GRM5: variants seen among roughly 807,000 people sequenced by gnomAD.
GRM5 encodes glutamate metabotropic receptor 5.
GRM5 carries 19 observed loss-of-function variants against 83.1 expected under a neutral mutation model. The ratio of observed to expected loss-of-function variants is 0.23; its 90% confidence interval spans 0.16 to 0.34. The LOEUF (loss-of-function observed/expected upper bound fraction) is 0.34, where lower values mean the gene tolerates loss of function less well. GRM5 is among the 10% of genes least tolerant of loss of function. The probability of loss-of-function intolerance (pLI) is 1.00; values close to 1 mark genes in which losing one functional copy is unlikely to be tolerated. For synonymous variants in GRM5, 675 were observed against 633.6 expected, an observed-to-expected ratio of 1.07 and a Z score of -0.98; for missense variants, 1,160 against 1,588.3, an observed-to-expected ratio of 0.73 and a Z score of 4.58.
intron 3 of GRM5, among the ~76,000 whole-genome samples, chr11:88,747,432 T>G (rs1374314865): frequency 6.6e-6 from 1 of 152,156 alleles, no homozygotes; most frequent in Non-Finnish European, 1.5e-5. Context: ...TATGTTCCTG[T>G]TAAACTACCA....
chr11:88,598,722 AG>A (rs1352591911), intron 5 of GRM5, among the ~76,000 whole-genome samples: 1 of 152,180 alleles, frequency 6.6e-6, no homozygotes, highest in Non-Finnish European at 1.5e-5. Flanking sequence ...AAGTATTCAA[AG>A]GGTGACTTTC....
intron 7 of GRM5, among the ~76,000 whole-genome samples, chr11:88,582,180 G>A (rs1173100439): frequency 1.3e-5 from 2 of 152,096 alleles, no homozygotes; most frequent in East Asian, 1.9e-4. Context: ...TAGGCTCTGC[G>A]ATACTTGGGA....
Position 88,798,572 on chromosome 11 carries a change from T to C in GRM5, c.911+51334A>G, listed in dbSNP as rs187025740. ...GAGCAACCATCTTCATCTCACATCA[T>C]TAAGTTTAAAAGTTATGTATTTTCC... On this transcript the variant is annotated intron_variant, in intron 3 of 9. Coordinates refer to ENST00000305447, the MANE Select transcript of GRM5 (RefSeq NM_001143831.3). Among the ~76,000 whole-genome samples, 63 of 152,072 alleles carry C rather than the reference T, an allele frequency of 4.1e-4. No individual in the cohort carries two copies. The Middle Eastern group carries it at 0.014, about 33-fold the overall frequency.
intron 9 of GRM5, among the ~76,000 whole-genome samples, chr11:88,514,610 G>A (rs970193155): frequency 1.3e-5 from 2 of 152,002 alleles, no homozygotes; most frequent in Non-Finnish European, 2.9e-5. Flanking sequence ...CAGTGTTAAG[G>A]TATTCACAAG....
At chr11:88,956,528 C>T (rs1938619337) in intron 2 of GRM5, among the ~76,000 whole-genome samples, 1 of 152,248 alleles carries the variant, frequency 6.6e-6, no homozygotes, top group South Asian at 2.1e-4. Flanking sequence ...AAAAACTGGG[C>T]GGGCGCGGTG....
In GRM5 at chr11:88,508,703, C is replaced by G. The variant is rs755375483; in HGVS notation, c.3528G>C (p.Gly1176=). The G allele has an allele frequency of 1.2e-6, 2 of 1,602,480 alleles. No individual in the cohort carries two copies. Among genetic ancestry groups the G allele is most frequent in the Non-Finnish European group, 1.7e-6 (2 of 1,174,904 alleles). Residue 1176 remains glycine, a synonymous_variant, in exon 10 of 10, where the codon GGG becomes GGC. Transcript: ENST00000305447. This position sits in a 1 kb window ranked among gnomAD's most constrained non-coding sequence, Gnocchi z 4.2. ...ACACTGGCGAGTTGGGGGTTGTGCT[C>G]CCCGAGTCCACCGAGTCTCTGAAGG... ...PSPFRDSVDS[G]STTPNSPVSE...
intron 4 of GRM5, among the ~76,000 whole-genome samples, chr11:88,650,134 G>A (rs547950163): frequency 1.3e-5 from 2 of 151,900 alleles, no homozygotes; most frequent in African/African-American, 2.4e-5. Context: ...AAACAAAAAT[G>A]TTAAGAGAAA....
chr11:88,748,963 A>C (rs573976106), intron 3 of GRM5, among the ~76,000 whole-genome samples: 3 of 152,278 alleles, frequency 2.0e-5, no homozygotes, highest in African/African-American at 7.2e-5. Context: ...CAAAAGTCAA[A>C]GGTAGATCAG....
intron 3 of GRM5, among the ~76,000 whole-genome samples, chr11:88,739,346 C>G (rs1218272762): frequency 6.6e-6 from 1 of 152,056 alleles, no homozygotes; most frequent in African/African-American, 2.4e-5. Context: ...AATCCATTGA[C>G]CTTTTTCAAA....
chr11:89,033,317 A>G (rs1160962481), intron 2 of GRM5, among the ~76,000 whole-genome samples: 1 of 147,904 alleles, frequency 6.8e-6, no homozygotes, highest in Non-Finnish European at 1.5e-5. Context: ...TACTCTTTCC[A>G]CTGACCTTGA....
rs199830921 is a variant in GRM5 at position 88,509,229 on chromosome 11, T to A, written c.3002A>T (p.Tyr1001Phe). ...ESPDAGPKAL[Y>F]DVAEAEEHFP... Reference sequence around the variant, plus strand: ...GTGCTCCTCAGCCTCGGCCACATCATACAGCGCCTTGGGGCCGGCGTCTGG... The same window carrying A: ...GTGCTCCTCAGCCTCGGCCACATCAAACAGCGCCTTGGGGCCGGCGTCTGG... Residue 1001 changes from tyrosine to phenylalanine, a missense_variant, in exon 10 of 10, where the codon TAT (tyrosine) becomes TTT (phenylalanine). Coordinates refer to ENST00000305447, the MANE Select transcript of GRM5 (RefSeq NM_001143831.3). The A allele has an allele frequency of 3.0e-5, 46 of 1,510,934 alleles. No individual in the cohort carries two copies. The South Asian group carries it at 4.1e-4, about 13-fold the overall frequency. The allele number at this position is 1,510,934 out of a possible 1,614,324, so 93.6% of individuals were successfully genotyped here. A position where few individuals can be genotyped will look rare whatever the true frequency, so the allele number is the denominator to read the frequency against.
At chr11:88,605,202 G>C (rs1275853547) in intron 4 of GRM5, among the ~76,000 whole-genome samples, 1 of 152,030 alleles carries the variant, frequency 6.6e-6, no homozygotes, top group Non-Finnish European at 1.5e-5. Context: ...ACAGTAGCAA[G>C]ATCCACTTTC....
intron 2 of GRM5, among the ~76,000 whole-genome samples, chr11:89,001,322 G>C (rs1940371261): frequency 6.6e-6 from 1 of 151,950 alleles, no homozygotes; most frequent in Non-Finnish European, 1.5e-5. Context: ...ATCAGATCAG[G>C]CATCCTTCAA....
At chr11:88,917,732 A>T (rs1945618635) in intron 2 of GRM5, among the ~76,000 whole-genome samples, 1 of 152,156 alleles carries the variant, frequency 6.6e-6, no homozygotes, top group African/African-American at 2.4e-5. Flanking sequence ...AGCAGAATGG[A>T]TGAAGGAGAA....
chr11:88,510,267 T>C (rs553587761), intron 9 of GRM5, among the ~76,000 whole-genome samples: 1 of 152,382 alleles, frequency 6.6e-6, no homozygotes, highest in Admixed American at 6.5e-5. Flanking sequence ...AGCAGAGTGA[T>C]CTCAAATTAG....
intron 3 of GRM5, among the ~76,000 whole-genome samples, chr11:88,740,498 T>G (rs539212858): frequency 6.6e-6 from 1 of 152,148 alleles, no homozygotes; most frequent in South Asian, 2.1e-4. Context: ...TTTCAACTAT[T>G]AATTGTCATA....
intron 2 of GRM5, among the ~76,000 whole-genome samples, chr11:88,949,745 T>C (rs1360705929): frequency 6.6e-6 from 1 of 152,218 alleles, no homozygotes; most frequent in African/African-American, 2.4e-5. Context: ...AAGATACTCA[T>C]TGCAATATTT....
intron 1 of GRM5, among the ~76,000 whole-genome samples, chr11:89,051,648 T>C (rs1941764765): frequency 6.6e-6 from 1 of 152,074 alleles, no homozygotes; most frequent in African/African-American, 2.4e-5. Context: ...AGGAGGAGGA[T>C]GCAGTGAACC....
chr11:88,956,953 TA>T (rs141153312), intron 2 of GRM5, among the ~76,000 whole-genome samples: 5,159 of 152,000 alleles, frequency 0.034, 287 homozygotes, highest in African/African-American at 0.11. Flanking sequence ...CTTAGGAAGG[TA>T]ATGTATGCAA....
Sources: gnomAD v4.1 joint callset for allele counts (sites outside exome capture counted in the v4.1 genomes callset) on GRCh38, gnomAD v4.1.1 for gene constraint, Gnocchi (gnomAD v3.1) non-coding constraint, MANE v1.5 for transcripts, NCBI Gene and HGNC (gene_info 2026-07-23, HGNC 2026-07-21) for gene names.